The following IL1RAP variants were observed in gnomAD, a reference collection of about 807,000 sequenced individuals.
The protein encoded by IL1RAP is interleukin-1 receptor accessory protein.
IL1RAP carries 35 observed loss-of-function variants against 60.7 expected under a neutral mutation model. The observed-to-expected ratio is 0.58, with a 90% CI of 0.44 to 0.76. The LOEUF is 0.76. IL1RAP is among the 30% of genes least tolerant of loss of function. IL1RAP has a pLI of 0.00. For missense variants in IL1RAP, 572 were observed against 693.9 expected (o/e 0.82, Z 1.97); for synonymous variants, 268 against 250.9 (o/e 1.07, Z -0.64).
chr3:190,560,055 G>A (rs899379125), intron 2 of IL1RAP, among the ~76,000 whole-genome samples: 2 of 152,182 alleles, frequency 1.3e-5, no homozygotes, highest in African/African-American at 4.8e-5. Context: ...GACTGATGAT[G>A]AAAATAACTC....
chr3:190,522,439 CT>C (rs36177018), intron 1 of IL1RAP, among the ~76,000 whole-genome samples: 2,346 of 150,764 alleles, frequency 0.016, 23 homozygotes, highest in Non-Finnish European at 0.024. Context: ...ATCTATCTAT[CT>C]ATCTATCTAT....
intron 1 of IL1RAP, among the ~76,000 whole-genome samples, chr3:190,545,467 C>T (rs1724289751): frequency 1.3e-5 from 2 of 152,168 alleles, no homozygotes; most frequent in Admixed American, 6.5e-5. Flanking sequence ...CATTCGCATC[C>T]TTTTATCGGA....
At chr3:190,529,071 C>G (rs9861301) in intron 1 of IL1RAP, among the ~76,000 whole-genome samples, 19,087 of 152,128 alleles carry the variant, frequency 0.13, 1,752 homozygotes, top group African/African-American at 0.26. Context: ...GGCAGGCAGA[C>G]AGTCAGAAAT....
Position 190,627,315 on chromosome 3 carries a change from T to G in IL1RAP, c.776-8T>G. On this transcript the variant is annotated splice_polypyrimidine_tract_variant and splice_region_variant and intron_variant, in intron 7 of 11. Transcript: ENST00000447382. ...TGTTTTTTTTGTTTTTTTGGTTTTT[T>G]TTTTCAGGAGAGGAGCTACTCATTC... is the stretch of plus-strand genomic sequence containing the variant. 1 of 1,572,214 alleles carries G rather than the reference T, an allele frequency of 6.4e-7. No individual in the cohort carries two copies. Among genetic ancestry groups the G allele is most frequent in the Non-Finnish European group, 8.6e-7 (1 of 1,167,756 alleles).
At chr3:190,589,410 G>C (rs1443399862) in intron 3 of IL1RAP, among the ~76,000 whole-genome samples, 4 of 151,434 alleles carry the variant, frequency 2.6e-5, no homozygotes, top group African/African-American at 9.7e-5. Context: ...TTTGTTTTCT[G>C]CTTGTCACTA....
intron 11 of IL1RAP, among the ~76,000 whole-genome samples, chr3:190,647,600 G>A (rs1251583736): frequency 4.6e-5 from 7 of 152,104 alleles, no homozygotes; most frequent in Non-Finnish European, 1.0e-4. Flanking sequence ...AGCAGCTGCC[G>A]AAACACATAG....
intron 3 of IL1RAP, among the ~76,000 whole-genome samples, chr3:190,570,622 A>G (rs1248100268): frequency 1.3e-5 from 2 of 151,890 alleles, no homozygotes; most frequent in Middle Eastern, 3.2e-3. Flanking sequence ...CTGGAGTGCA[A>G]TGGTGCGATC....
chr3:190,598,322 CT>C (rs952767270), intron 3 of IL1RAP, among the ~76,000 whole-genome samples: 47 of 151,406 alleles, frequency 3.1e-4, no homozygotes, highest in African/African-American at 6.8e-4. Context: ...TTTTCTTCCT[CT>C]TTTTTTTTCT....
chr3:190,554,759 GT>G (rs1725256765), intron 1 of IL1RAP: 1 of 151,514 alleles, frequency 6.6e-6, no homozygotes, highest in Non-Finnish European at 1.5e-5. Flanking sequence ...GTGTGTGTGT[GT>G]GTGTCTCTAA....
At chr3:190,628,157 G>A (rs1303860321) in intron 8 of IL1RAP, among the ~76,000 whole-genome samples, 4 of 152,056 alleles carry the variant, frequency 2.6e-5, no homozygotes, top group Non-Finnish European at 2.9e-5. Context: ...GAAAGTGTGC[G>A]TCCTTGAAGA....
chr3:190,538,209 T>G (rs1289608628), intron 1 of IL1RAP, among the ~76,000 whole-genome samples: 1 of 152,196 alleles, frequency 6.6e-6, no homozygotes, highest in Non-Finnish European at 1.5e-5. Flanking sequence ...CTGTTGCTTC[T>G]CAATGTATGG....
intron 6 of IL1RAP, among the ~76,000 whole-genome samples, chr3:190,622,749 T>A (rs1278471849): frequency 1.3e-5 from 2 of 152,146 alleles, no homozygotes; most frequent in Non-Finnish European, 2.9e-5. Flanking sequence ...CTTGTGGATG[T>A]CCTTACCAAC....
intron 3 of IL1RAP, among the ~76,000 whole-genome samples, chr3:190,603,551 T>C (rs1221529913): frequency 1.3e-5 from 2 of 152,236 alleles, no homozygotes; most frequent in African/African-American, 2.4e-5. Flanking sequence ...AGAATGTAAA[T>C]GTAAAATAGC....
intron 3 of IL1RAP, among the ~76,000 whole-genome samples, chr3:190,585,751 G>A (rs1020431447): frequency 6.6e-6 from 1 of 151,944 alleles, no homozygotes; most frequent in African/African-American, 2.4e-5. Context: ...GGCTGAGGTT[G>A]CAGTGAGCCA....
chr3:190,576,383 T>TACACAC (rs34872356), intron 3 of IL1RAP, among the ~76,000 whole-genome samples: 36 of 151,290 alleles, frequency 2.4e-4, no homozygotes, highest in African/African-American at 7.3e-4. Flanking sequence ...TATATATATA[T>TACACAC]ACACACACAC....
chr3:190,531,625 A>G (rs1009182328), intron 1 of IL1RAP, among the ~76,000 whole-genome samples: 3 of 152,202 alleles, frequency 2.0e-5, no homozygotes, highest in Non-Finnish European at 2.9e-5. Context: ...ACACAGCTGA[A>G]CTTACTCACT....
At chr3:190,577,564 C>G (rs139397630) in intron 3 of IL1RAP, among the ~76,000 whole-genome samples, 2 of 152,268 alleles carry the variant, frequency 1.3e-5, no homozygotes, top group East Asian at 3.9e-4. Context: ...TTTTCTTTCC[C>G]CCCTGCAGGA....
chr3:190,629,832 A>G (rs1193712306), intron 9 of IL1RAP: 4 of 1,012,378 alleles, frequency 4.0e-6, no homozygotes, highest in African/African-American at 1.7e-5. Context: ...AAAAACTGGT[A>G]GAGCCACATA....
intron 9 of IL1RAP, among the ~76,000 whole-genome samples, chr3:190,641,819 C>T (rs1733682637): frequency 6.6e-6 from 1 of 152,126 alleles, no homozygotes; most frequent in Non-Finnish European, 1.5e-5. Flanking sequence ...GTACTGTTAA[C>T]ATAACGTACT....
Sources: allele counts gnomAD v4.1 joint callset (sites outside exome capture counted in the v4.1 genomes callset), GRCh38; gene constraint gnomAD v4.1.1; transcripts MANE v1.5; gene names NCBI Gene and HGNC (gene_info 2026-07-23, HGNC 2026-07-21).